The following ABHD6 variants were observed in gnomAD, a reference collection of about 807,000 sequenced individuals.
ABHD6 encodes the protein monoacylglycerol lipase ABHD6.
Under a neutral mutation model 38.8 loss-of-function variants are expected in ABHD6, and 33 were observed. The observed-to-expected ratio is 0.85, with a 90% CI of 0.64 to 1.14. ABHD6 has a LOEUF of 1.14. Among genes scored for constraint, ABHD6 ranks in the 50% most tolerant of loss-of-function variants. The probability of loss-of-function intolerance (pLI) is 0.00; values close to 1 mark genes in which losing one functional copy is unlikely to be tolerated. For missense variants in ABHD6, 380 were observed against 422.6 expected (o/e 0.90, Z 0.88); for synonymous variants, 147 against 161.6 (o/e 0.91, Z 0.69).
Position 58,267,277 on chromosome 3 carries a change from C to T in ABHD6, c.208C>T (p.His70Tyr). ...FCYSFRGRPG[H>Y]KPSILMLHGF... The stretch of plus-strand genomic sequence containing the variant: ...TTATTCCTTCCGGGGCAGGCCTGGG[C>T]ACAAACCCTCCATCCTCATGCTCCA... The change falls in exon 4 of 10, where the codon CAC (histidine) becomes TAC (tyrosine). Residue 70 changes from histidine to tyrosine, a missense_variant. His to Tyr is a moderately conservative substitution (Grantham distance 83). Transcript: ENST00000478253. This position sits in a 1 kb window ranked among gnomAD's most constrained non-coding sequence, Gnocchi z 4.3. 6.2e-7 allele frequency: 1 copy of T among 1,614,178 alleles called. No homozygotes were observed. Among genetic ancestry groups the T allele is most frequent in the Non-Finnish European group, 8.5e-7 (1 of 1,180,020 alleles).
chr3:58,289,260 C>A (rs1384799825), intron 9 of ABHD6, among the ~76,000 whole-genome samples: 1 of 150,968 alleles, frequency 6.6e-6, no homozygotes, highest in East Asian at 1.9e-4. Flanking sequence ...TTTTATTGAT[C>A]ATTCTTGGGT....
intron 7 of ABHD6, among the ~76,000 whole-genome samples, chr3:58,281,730 C>T (rs1417339143): frequency 6.6e-6 from 1 of 152,228 alleles, no homozygotes; most frequent in Non-Finnish European, 1.5e-5. Flanking sequence ...ATCTTGGAAC[C>T]TATCCTCGTT....
chr3:58,242,760 T>C (rs1332447581), intron 1 of ABHD6, among the ~76,000 whole-genome samples: 1 of 152,218 alleles, frequency 6.6e-6, no homozygotes, highest in Non-Finnish European at 1.5e-5. Flanking sequence ...CTAGGGTACA[T>C]GTGCACAACG....
In ABHD6 at chr3:58,238,962, C is replaced by T. The variant is rs913318494; in HGVS notation, c.-91+1046C>T. On this transcript the variant is annotated intron_variant, in intron 1 of 9. Transcript: ENST00000478253. The surrounding 1 kb of genome is among the most constrained non-coding windows in gnomAD (Gnocchi z 6.9). ...TGTGTGCCAGGCCCTGTCCTAAGCC[C>T]CTTAAAAGAATTACCTGCCATACTT... Among the ~76,000 whole-genome samples, 7 of 151,992 alleles carry T rather than the reference C, an allele frequency of 4.6e-5. No individual in the cohort carries two copies. Among genetic ancestry groups the T allele is most frequent in the Admixed American group, 3.3e-4 (5 of 15,246 alleles).
intron 1 of ABHD6, among the ~76,000 whole-genome samples, chr3:58,248,708 A>G (rs1348742049): frequency 6.6e-6 from 1 of 152,228 alleles, no homozygotes; most frequent in Non-Finnish European, 1.5e-5. Flanking sequence ...CAAAGAAAAA[A>G]AAAGAGAGAG....
chr3:58,254,972 C>T (rs1207514337), intron 2 of ABHD6, among the ~76,000 whole-genome samples: 5 of 152,012 alleles, frequency 3.3e-5, no homozygotes, highest in African/African-American at 1.2e-4. Flanking sequence ...TCCACCTCTG[C>T]CTCCCAAAGT....
rs114601440 is a variant in ABHD6, at chr3:58,293,147, G to A, written c.838-442G>A. Among the ~76,000 whole-genome samples, 1,290 of 152,064 alleles carry A rather than the reference G, an allele frequency of 8.5e-3. 21 individuals carry two copies. Among genetic ancestry groups the A allele is most frequent in the African/African-American group, 0.029 (1,215 of 41,472 alleles). On this transcript the variant is annotated intron_variant, in intron 9 of 9. Transcript: ENST00000478253. The surrounding 1 kb of genome is among the most constrained non-coding windows in gnomAD (Gnocchi z 4.4). Reference sequence around the variant, plus strand: ...CCATGTGCTTGGTGTCTCAGCCGCCGTGCTCCTTGGTGGCCCCTGCACTCG... The same window carrying A: ...CCATGTGCTTGGTGTCTCAGCCGCCATGCTCCTTGGTGGCCCCTGCACTCG...
chr3:58,271,764 C>CTTTTTTTTT (rs1302501356), intron 6 of ABHD6, among the ~76,000 whole-genome samples: 3 of 78,150 alleles, frequency 3.8e-5, no homozygotes, highest in African/African-American at 1.4e-4. Context: ...CCCCCTCTCT[C>CTTTTTTTTT]TGTTTTTTTT....
intron 1 of ABHD6, among the ~76,000 whole-genome samples, chr3:58,247,854 G>A (rs542964933): frequency 4.6e-5 from 7 of 152,362 alleles, no homozygotes; most frequent in East Asian, 3.9e-4. Flanking sequence ...GATTACAGGC[G>A]TGAGCCACAG....
chr3:58,240,454 A>C (rs182162936), intron 1 of ABHD6, among the ~76,000 whole-genome samples: 2 of 152,256 alleles, frequency 1.3e-5, no homozygotes, highest in Admixed American at 1.3e-4. Flanking sequence ...GAGTGTTCAA[A>C]AGAAAAGAGG....
intron 1 of ABHD6, among the ~76,000 whole-genome samples, chr3:58,239,982 T>A (rs2097421640): frequency 6.8e-6 from 1 of 146,902 alleles, no homozygotes; most frequent in Non-Finnish European, 1.5e-5. Context: ...AAACCCCATC[T>A]CTACCAAAAA....
chr3:58,272,520 T>C (rs908616410), intron 6 of ABHD6, among the ~76,000 whole-genome samples: 4 of 152,212 alleles, frequency 2.6e-5, no homozygotes, highest in African/African-American at 7.2e-5. Flanking sequence ...GTTGAGGACA[T>C]TGAAATCGAA....
chr3:58,253,122 T>G (rs1246967557), intron 2 of ABHD6, among the ~76,000 whole-genome samples: 1 of 151,954 alleles, frequency 6.6e-6, no homozygotes, highest in African/African-American at 2.4e-5. Context: ...CGACCTTCGC[T>G]GAAACTGACT....
At position 58,256,614 on chromosome 3, in the gene ABHD6, G is replaced by T; in HGVS notation, c.28G>T (p.Val10Leu). ...GGATCTTGATGTGGTTAACATGTTT[G>T]TGATTGCGGGCGGCACGCTGGCCAT... The part of the protein sequence containing the change: MDLDVVNMF[V>L]IAGGTLAIPI... Residue 10 changes from valine to leucine, a missense_variant, in exon 3 of 10, where the codon GTG becomes TTG. Coordinates refer to ENST00000478253, the MANE Select transcript of ABHD6 (RefSeq NM_001320126.2). This position sits in a 1 kb window ranked among gnomAD's most constrained non-coding sequence, Gnocchi z 4.3. 6.2e-7 allele frequency: 1 copy of T among 1,614,152 alleles called. No homozygotes were observed. Among genetic ancestry groups the T allele is most frequent in the Non-Finnish European group, 8.5e-7 (1 of 1,180,022 alleles).
intron 9 of ABHD6, among the ~76,000 whole-genome samples, chr3:58,291,641 AG>A (rs972789996): frequency 3.9e-5 from 6 of 152,180 alleles, no homozygotes; most frequent in Non-Finnish European, 8.8e-5. Context: ...ATATCTCATC[AG>A]GGGGTCGTTC....
At position 58,253,163 on chromosome 3, in the gene ABHD6, AG is replaced by A. The variant is rs1182984583; in HGVS notation, c.-26+3225del. Among the ~76,000 whole-genome samples, 93 of 73,586 alleles carry A rather than the reference AG, an allele frequency of 1.3e-3. 2 individuals are homozygous for A. Among genetic ancestry groups the A allele is most frequent in the Admixed American group, 3.8e-3 (28 of 7,398 alleles). 48.3% of individuals were successfully genotyped at this position (73,586 alleles called of 152,430 possible). A position where few individuals can be genotyped will look rare whatever the true frequency, so the allele number is the denominator to read the frequency against. ...TGTGGCAGGCACCGACAGAGCACAG[AG>A]GGGTTTTTTTTTTTTGATGATCATG... On this transcript the variant is annotated intron_variant, in intron 2 of 9. Transcript: ENST00000478253.
At position 58,294,571 on chromosome 3, in the gene ABHD6, CTT is replaced by C. The variant is rs2097466097; in HGVS notation, c.*809_*810del. The C allele has an allele frequency of 6.6e-6, 1 of 152,630 alleles. No individual in the cohort carries two copies. Among genetic ancestry groups the C allele is most frequent in the African/African-American group, 2.4e-5 (1 of 41,446 alleles). The allele number at this position is 152,630 out of a possible 1,614,324, so 9.5% of individuals were successfully genotyped here. ...CACACAAGCAACAACTCGTGGGCCT[CTT>C]TTCTATTTCAATGTGCTACTAAGAA... On this transcript the variant is annotated 3_prime_UTR_variant, in exon 10 of 10. Transcript: ENST00000478253.
At chr3:58,245,199 C>G (rs1022682902) in intron 1 of ABHD6, among the ~76,000 whole-genome samples, 27 of 152,212 alleles carry the variant, frequency 1.8e-4, no homozygotes, top group African/African-American at 6.5e-4. Context: ...GAGTCTCGCT[C>G]TGTCACCCAG....
rs921589660 is a variant in ABHD6 at position 58,238,060 on chromosome 3, C to T, written c.-91+144C>T. 13 of 152,218 alleles carry T rather than the reference C, an allele frequency of 8.5e-5. No homozygotes were observed. Among genetic ancestry groups the T allele is most frequent in the Admixed American group, 8.5e-4 (13 of 15,278 alleles). The allele number at this position is 152,218 out of a possible 1,614,324, so 9.4% of individuals were successfully genotyped here. A position where few individuals can be genotyped will look rare whatever the true frequency, so the allele number is the denominator to read the frequency against. On this transcript the variant is annotated intron_variant, in intron 1 of 9. Transcript: ENST00000478253. This position sits in a 1 kb window ranked among gnomAD's most constrained non-coding sequence, Gnocchi z 6.9. Reference sequence around the variant, plus strand: ...GCGATCTGCACTTGCCTTTCCACTCCGCTCCCCGCGCGGGCGCTGCCCCCA... The same window carrying T: ...GCGATCTGCACTTGCCTTTCCACTCTGCTCCCCGCGCGGGCGCTGCCCCCA...
Sources: allele counts gnomAD v4.1 joint callset (sites outside exome capture counted in the v4.1 genomes callset), GRCh38; gene constraint gnomAD v4.1.1; non-coding constraint Gnocchi (gnomAD v3.1); transcripts MANE v1.5; gene names NCBI Gene and HGNC (gene_info 2026-07-23, HGNC 2026-07-21).